RBFOX1: variants seen among roughly 807,000 people sequenced by gnomAD.
The protein encoded by RBFOX1 is RNA binding fox-1 homolog 1.
A neutral mutation model predicts 57.7 loss-of-function variants in RBFOX1; 8 were observed. The observed-to-expected ratio is 0.14, with a 90% CI of 0.08 to 0.25. The LOEUF (loss-of-function observed/expected upper bound fraction) is 0.25, where lower values mean the gene tolerates loss of function less well. Among genes scored for constraint, RBFOX1 ranks in the 10% least tolerant of loss-of-function variants. The pLI is 1.00. For missense variants in RBFOX1, 611 were observed against 548.5 expected (o/e 1.11, Z -1.14); for synonymous variants, 326 against 222.4 (o/e 1.47, Z -4.15).
chr16:5,877,818 G>A (rs1290082208), intron 4 of RBFOX1, among the ~76,000 whole-genome samples: 4 of 152,228 alleles, frequency 2.6e-5, no homozygotes, highest in Admixed American at 1.3e-4. Context: ...AGGTCCTTGG[G>A]TTGTTGCCAT....
chr16:7,190,900 TGAAG>T (rs998237168), intron 4 of RBFOX1, among the ~76,000 whole-genome samples: 3 of 152,188 alleles, frequency 2.0e-5, no homozygotes, highest in Admixed American at 1.3e-4. Flanking sequence ...TAGAGAATCA[TGAAG>T]GAAGCATATT....
chr16:7,379,292 C>G (rs1282007781), intron 4 of RBFOX1, among the ~76,000 whole-genome samples: 2 of 152,096 alleles, frequency 1.3e-5, no homozygotes, highest in Non-Finnish European at 2.9e-5. Flanking sequence ...CTCTTTCTGT[C>G]CAAAAGAGTA....
intron 3 of RBFOX1, among the ~76,000 whole-genome samples, chr16:5,768,002 C>A (rs1026551056): frequency 6.6e-6 from 1 of 152,118 alleles, no homozygotes; most frequent in African/African-American, 2.4e-5. Context: ...TCGGGCCACC[C>A]ATCAGAATGA....
intron 3 of RBFOX1, among the ~76,000 whole-genome samples, chr16:6,929,987 A>G (rs1173827548): frequency 6.6e-6 from 1 of 152,124 alleles, no homozygotes; most frequent in Admixed American, 6.5e-5. Context: ...CCTGTCCAGG[A>G]AGTAATAGGA....
chr16:6,777,652 T>C (rs141438572), intron 3 of RBFOX1, among the ~76,000 whole-genome samples: 2,612 of 152,226 alleles, frequency 0.017, 79 homozygotes, highest in African/African-American at 0.059. Flanking sequence ...TCCAGTTTCT[T>C]AGCCTGACAG....
intron 3 of RBFOX1, among the ~76,000 whole-genome samples, chr16:6,888,668 T>C (rs1230509422): frequency 2.6e-5 from 4 of 152,192 alleles, no homozygotes; most frequent in Non-Finnish European, 4.4e-5. Context: ...CTGACCCAGA[T>C]GTCTCCTGTA....
At chr16:7,314,134 C>T (rs534021060) in intron 4 of RBFOX1, among the ~76,000 whole-genome samples, 16 of 152,150 alleles carry the variant, frequency 1.1e-4, no homozygotes, top group Admixed American at 1.0e-3. Context: ...GGGGAAAGAA[C>T]GAGGCTGTGA....
chr16:6,515,348 C>G (rs890786367), intron 2 of RBFOX1, among the ~76,000 whole-genome samples: 7 of 152,232 alleles, frequency 4.6e-5, no homozygotes, highest in Non-Finnish European at 1.0e-4. Flanking sequence ...CAGTCTTCTA[C>G]TCAAACAACC....
intron 4 of RBFOX1, among the ~76,000 whole-genome samples, chr16:7,300,486 T>C (rs777462537): frequency 3.9e-5 from 6 of 152,254 alleles, no homozygotes; most frequent in Non-Finnish European, 5.9e-5. Context: ...AAGTAAAATA[T>C]TTCTAAGTCA....
chr16:7,281,715 G>A (rs1055839401), intron 4 of RBFOX1, among the ~76,000 whole-genome samples: 2 of 152,102 alleles, frequency 1.3e-5, no homozygotes, highest in Admixed American at 6.5e-5. Context: ...TGACTGTTAG[G>A]AGAGAGTCTA....
chr16:5,457,272 C>T (rs1210661597), intron 1 of RBFOX1, among the ~76,000 whole-genome samples: 2 of 152,146 alleles, frequency 1.3e-5, no homozygotes, highest in Non-Finnish European at 2.9e-5. Context: ...GTAACTGGGA[C>T]TATAGGCATG....
At chr16:7,336,748 G>A (rs956477464) in intron 4 of RBFOX1, among the ~76,000 whole-genome samples, 4 of 152,076 alleles carry the variant, frequency 2.6e-5, no homozygotes, top group African/African-American at 9.7e-5. Context: ...AATGCAATTG[G>A]GCAGTATTTG....
At chr16:6,999,212 A>ATTTTTTTTTTTTTTTTTTTT (rs1254312494) in intron 3 of RBFOX1, among the ~76,000 whole-genome samples, 3 of 117,682 alleles carry the variant, frequency 2.5e-5, no homozygotes, top group Non-Finnish European at 5.7e-5. Context: ...TTTTATTTTT[A>ATTTTTTTTTTTTTTTTTTTT]TTTATTTTTT....
At chr16:5,269,324 A>C (rs538687753) in intron 1 of RBFOX1, among the ~76,000 whole-genome samples, 2 of 152,230 alleles carry the variant, frequency 1.3e-5, no homozygotes, top group Non-Finnish European at 2.9e-5. Context: ...GCATCTTTTC[A>C]TGTGCTTATT....
intron 4 of RBFOX1, among the ~76,000 whole-genome samples, chr16:7,446,027 G>A (rs2098804999): frequency 6.6e-6 from 1 of 152,120 alleles, no homozygotes; most frequent in South Asian, 2.1e-4. Context: ...ACAATTTGTA[G>A]CATGGTCTTG....
intron 3 of RBFOX1, among the ~76,000 whole-genome samples, chr16:6,869,079 C>T (rs932435646): frequency 2.6e-5 from 4 of 152,140 alleles, no homozygotes; most frequent in African/African-American, 7.2e-5. Context: ...TTGCTATAAG[C>T]CACTAACTTC....
chr16:6,508,584 C>G (rs1257818570), intron 2 of RBFOX1, among the ~76,000 whole-genome samples: 1 of 152,168 alleles, frequency 6.6e-6, no homozygotes, highest in African/African-American at 2.4e-5. Context: ...AACATCTCGT[C>G]TCTGCTTCCC....
intron 2 of RBFOX1, among the ~76,000 whole-genome samples, chr16:6,349,648 C>T (rs910273118): frequency 1.3e-5 from 2 of 152,148 alleles, no homozygotes; most frequent in East Asian, 1.9e-4. Context: ...CTATTGAGAA[C>T]ACATCTTCAT....
chr16:7,587,511 T>G (rs2094193346), intron 7 of RBFOX1, among the ~76,000 whole-genome samples: 1 of 152,094 alleles, frequency 6.6e-6, no homozygotes, highest in African/African-American at 2.4e-5. Flanking sequence ...AATTGCTGTT[T>G]TATATATATA....
Sources: allele counts gnomAD v4.1 joint callset (sites outside exome capture counted in the v4.1 genomes callset), GRCh38; gene constraint gnomAD v4.1.1; transcripts MANE v1.5; gene names NCBI Gene and HGNC (gene_info 2026-07-23, HGNC 2026-07-21).